Variants in DDHD1 observed in about 807,000 individuals in gnomAD.
The protein encoded by DDHD1 is phospholipase DDHD1.
A neutral mutation model predicts 96.4 loss-of-function variants in DDHD1; 49 were observed. That is an observed-to-expected ratio of 0.51 (90% confidence interval 0.40 to 0.64). The LOEUF is 0.64. Ranked by LOEUF, DDHD1 falls within the 30% of genes least tolerant of loss-of-function variation. DDHD1 has a pLI of 0.00. For missense variants in DDHD1, 1,106 were observed against 1,161.2 expected (o/e 0.95, Z 0.69); for synonymous variants, 442 against 446.5 (o/e 0.99, Z 0.13).
At chr14:53,090,641 G>GT (rs1352745873) in intron 4 of DDHD1, among the ~76,000 whole-genome samples, 2 of 152,096 alleles carry the variant, frequency 1.3e-5, no homozygotes, top group African/African-American at 2.4e-5. Context: ...ACCAAACACC[G>GT]TATGTTCTCA....
At chr14:53,147,768 A>G (rs1891097550) in intron 1 of DDHD1, among the ~76,000 whole-genome samples, 1 of 152,198 alleles carries the variant, frequency 6.6e-6, no homozygotes, top group African/African-American at 2.4e-5. Context: ...TAACACAGTT[A>G]TAAAGAGTAA....
intron 1 of DDHD1, among the ~76,000 whole-genome samples, chr14:53,142,514 G>A (rs1040258986): frequency 2.0e-5 from 3 of 151,502 alleles, no homozygotes; most frequent in African/African-American, 7.3e-5. Flanking sequence ...TGAAAACTGA[G>A]CAGTCTTTTA....
At chr14:53,095,966 C>T (rs1262837609) in intron 2 of DDHD1, among the ~76,000 whole-genome samples, 1 of 151,856 alleles carries the variant, frequency 6.6e-6, no homozygotes, top group Non-Finnish European at 1.5e-5. Flanking sequence ...CACTGTTTAC[C>T]AATATTTATA....
intron 12 of DDHD1, among the ~76,000 whole-genome samples, chr14:53,047,558 G>A (rs949077872): frequency 1.3e-5 from 2 of 152,166 alleles, no homozygotes; most frequent in Admixed American, 6.5e-5. Flanking sequence ...ACATACAAAC[G>A]CTCATTAAGT....
At chr14:53,072,427 C>G (rs1046379123) in intron 6 of DDHD1, among the ~76,000 whole-genome samples, 170 bp downstream of exon 6, 2 of 151,916 alleles carry the variant, frequency 1.3e-5, no homozygotes, top group African/African-American at 4.8e-5. Context: ...TATTAAGGGT[C>G]ACAATGTCTA....
At chr14:53,112,550 G>GT (rs1566576186) in intron 1 of DDHD1, among the ~76,000 whole-genome samples, 1 of 152,136 alleles carries the variant, frequency 6.6e-6, no homozygotes, top group Non-Finnish European at 1.5e-5. Context: ...TGGTGACTAA[G>GT]TTTTTTGCAT....
chr14:53,136,530 T>C (rs1198020988), intron 1 of DDHD1, among the ~76,000 whole-genome samples: 2 of 152,174 alleles, frequency 1.3e-5, no homozygotes, highest in Non-Finnish European at 2.9e-5. Flanking sequence ...CCTTTATTCT[T>C]TAGCTGAGTA....
chr14:53,130,571 A>G lies in DDHD1; in HGVS notation c.838+21690T>C, dbSNP rs544010312. Among the ~76,000 whole-genome samples, 17 of 152,322 alleles carry G rather than the reference A, an allele frequency of 1.1e-4. No homozygotes were observed. The South Asian group carries it at 3.3e-3, about 30-fold the overall frequency. ...TGCAATTACTTGCCTCCGCTGTGAG[A>G]CAAACCCCAGCCACATCTCCAGCAC... is the stretch of plus-strand genomic sequence containing the variant. On this transcript the variant is annotated intron_variant, in intron 1 of 12. Coordinates refer to ENST00000673822, the MANE Select transcript of DDHD1 (RefSeq NM_001160148.2).
intron 1 of DDHD1, among the ~76,000 whole-genome samples, chr14:53,128,235 G>A (rs1259805813): frequency 6.6e-6 from 1 of 152,178 alleles, no homozygotes; most frequent in Non-Finnish European, 1.5e-5. Context: ...TTTCTTCATA[G>A]CAGCATAAGA....
chr14:53,061,162 T>C lies in DDHD1; in HGVS notation c.1806A>G (p.Ala602=), dbSNP rs773569465. ...AGGCAGGTGTTTGTGTCATAGATGA[T>C]GCTTTCAATCCGTGAAGCCGTTCTT... ...EIEERLHGLK[A]SSMTQTPALK... The change falls in exon 8 of 13, where the codon GCA becomes GCG. Residue 602 remains alanine (A), a synonymous_variant. Coordinates refer to ENST00000673822, the MANE Select transcript of DDHD1 (RefSeq NM_001160148.2). The C allele has an allele frequency of 1.2e-6, 2 of 1,612,058 alleles. No individual in the cohort carries two copies. Among genetic ancestry groups the C allele is most frequent in the South Asian group, 1.1e-5 (1 of 90,588 alleles).
intron 2 of DDHD1, chr14:53,103,096 A>C: frequency 1.3e-6 from 2 of 1,545,728 alleles, no homozygotes; most frequent in Non-Finnish European, 1.8e-6. Flanking sequence ...TTTACCACAT[A>C]TTTTGAAGTT....
At chr14:53,051,333 A>C (rs973563112) in intron 12 of DDHD1, among the ~76,000 whole-genome samples, 3 of 151,998 alleles carry the variant, frequency 2.0e-5, no homozygotes, top group African/African-American at 7.2e-5. Context: ...TATCTCTTAC[A>C]TCCAAGAATA....
chr14:53,112,593 T>C (rs1566576222), intron 1 of DDHD1, among the ~76,000 whole-genome samples: 1 of 152,348 alleles, frequency 6.6e-6, no homozygotes, highest in African/African-American at 2.4e-5. Context: ...AACACCTATA[T>C]CTCTTATTCT....
At chr14:53,082,933 A>G (rs146718415) in intron 4 of DDHD1, among the ~76,000 whole-genome samples, 1 of 152,278 alleles carries the variant, frequency 6.6e-6, no homozygotes, top group East Asian at 1.9e-4. Context: ...AGAAGTCTAT[A>G]GCATGCACCT....
At chr14:53,104,024 T>C (rs993508468) in intron 1 of DDHD1, among the ~76,000 whole-genome samples, 168 bp from the exon 2 acceptor site, 1 of 152,248 alleles carries the variant, frequency 6.6e-6, no homozygotes, top group African/African-American at 2.4e-5. Flanking sequence ...TTGAGATATT[T>C]ATCTTGCTCT....
At chr14:53,094,377 T>C (rs536042693) in intron 2 of DDHD1, among the ~76,000 whole-genome samples, 1 of 152,112 alleles carries the variant, frequency 6.6e-6, no homozygotes, top group Admixed American at 6.5e-5. Context: ...AATACAAAAT[T>C]AAGGAAATGT....
intron 1 of DDHD1, among the ~76,000 whole-genome samples, chr14:53,108,954 A>G (rs1887902503): frequency 6.6e-6 from 1 of 152,152 alleles, no homozygotes; most frequent in African/African-American, 2.4e-5. Context: ...AAATTTTTAT[A>G]TTCCTCTTAA....
intron 1 of DDHD1, among the ~76,000 whole-genome samples, chr14:53,120,441 A>C (rs1888899021): frequency 6.6e-6 from 1 of 152,222 alleles, no homozygotes; most frequent in South Asian, 2.1e-4. Context: ...AGAATTAGAA[A>C]AAAATACTTT....
At chr14:53,108,486 G>A (rs1021543942) in intron 1 of DDHD1, among the ~76,000 whole-genome samples, 4 of 152,128 alleles carry the variant, frequency 2.6e-5, no homozygotes, top group Non-Finnish European at 5.9e-5. Context: ...TGGGAGCTCT[G>A]GGAGCAAGGA....
Sources: gnomAD v4.1 joint callset for allele counts (sites outside exome capture counted in the v4.1 genomes callset) on GRCh38, gnomAD v4.1.1 for gene constraint, MANE v1.5 for transcripts, NCBI Gene and HGNC (gene_info 2026-07-23, HGNC 2026-07-21) for gene names.